NLRP13: variants seen among roughly 807,000 people sequenced by gnomAD.
NLRP13 encodes NACHT, LRR and PYD domains-containing protein 13.
NLRP13 carries 82 observed loss-of-function variants against 94.4 expected under a neutral mutation model. The ratio of observed to expected loss-of-function variants is 0.87; its 90% CI spans 0.73 to 1.04. The LOEUF (loss-of-function observed/expected upper bound fraction) is 1.04, where lower values mean the gene tolerates loss of function less well. Among genes scored for constraint, NLRP13 ranks in the 50% least tolerant of loss-of-function variants. NLRP13 has a pLI of 0.00. For missense variants in NLRP13, 1,426 were observed against 1,230.8 expected, an observed-to-expected ratio of 1.16 and a Z score of -2.37; for synonymous variants, 553 against 464.7, an observed-to-expected ratio of 1.19 and a Z score of -2.45.
At chr19:55,920,523 A>G (rs1399801115) in intron 4 of NLRP13, among the ~76,000 whole-genome samples, 1 of 151,492 alleles carries the variant, frequency 6.6e-6, no homozygotes, top group Non-Finnish European at 1.5e-5. Flanking sequence ...AAGAAGACAT[A>G]GAAGTAGTCA....
rs922673614 is a variant in NLRP13, at chr19:55,931,940, T to C, written c.319+53A>G. The C allele has an allele frequency of 3.9e-6, 6 of 1,554,544 alleles. No individual in the cohort carries two copies. In the East Asian group the frequency reaches 1.1e-4, roughly 29 times the overall value. On this transcript the variant is annotated intron_variant, in intron 1 of 10. Coordinates refer to ENST00000342929, the MANE Select transcript of NLRP13 (RefSeq NM_176810.2). ...CCACAAAAACCCAGCGGCTACCTCC[T>C]TGCCTCAGGAGTACCAAGCAGCCCT...
intron 9 of NLRP13, among the ~76,000 whole-genome samples, chr19:55,899,687 G>A (rs1377865452): frequency 6.6e-6 from 1 of 152,188 alleles, no homozygotes; most frequent in Non-Finnish European, 1.5e-5. Context: ...GGCTGAGGCA[G>A]GAGAATAGCT....
At chr19:55,922,137 A>G (rs1034210850) in intron 4 of NLRP13, among the ~76,000 whole-genome samples, 4 of 151,954 alleles carry the variant, frequency 2.6e-5, no homozygotes, top group Admixed American at 2.0e-4. Flanking sequence ...CAGGAGACTT[A>G]CTCACTGTCA....
In NLRP13 at chr19:55,925,742, T is replaced by G. The variant is rs1261187382; in HGVS notation, c.320-707A>C. Among the ~76,000 whole-genome samples the G allele has an allele frequency of 3.3e-5, 5 of 152,184 alleles. 1 individual carries two copies. Among genetic ancestry groups the G allele is most frequent in the Admixed American group, 1.3e-4 (2 of 15,272 alleles). ...ACATAGCTGCTACAGGACAATACCT[T>G]GTAAGGGATTTGCATCTAGAGATAT... On this transcript the variant is annotated intron_variant, in intron 1 of 10. Transcript: ENST00000342929.
downstream of NLRP13, among the ~76,000 whole-genome samples, chr19:55,893,511 C>T (rs1293946430): frequency 1.3e-5 from 2 of 152,012 alleles, no homozygotes; most frequent in Non-Finnish European, 2.9e-5. Context: ...TTTTGTTTAC[C>T]CTTCGACTGG....
At chr19:55,903,064 A>G (rs903215191) in intron 8 of NLRP13, among the ~76,000 whole-genome samples, 3 of 151,720 alleles carry the variant, frequency 2.0e-5, no homozygotes, top group Non-Finnish European at 4.4e-5. Flanking sequence ...GTGTAGAATT[A>G]TAACAGTTAT....
rs374591965 is a variant in NLRP13, at chr19:55,931,709, CAAA to C, written c.319+281_319+283del. Among the ~76,000 whole-genome samples the C allele has an allele frequency of 9.3e-5, 8 of 85,894 alleles. No individual in the cohort carries two copies. In the East Asian group the frequency reaches 1.6e-3, roughly 17 times the overall value. The allele number at this position is 85,894 out of a possible 152,430, so 56.3% of individuals were successfully genotyped here. ...GGGCGACAGAGTGGAGACTCAGGCT[CAAA>C]AAAAAAAAAAAAAGAAAGAAAGAAA... On this transcript the variant is annotated intron_variant, in intron 1 of 10. Transcript: ENST00000342929.
downstream of NLRP13, chr19:55,891,813 G>A: frequency 2.8e-6 from 1 of 351,260 alleles, no homozygotes; most frequent in East Asian, 4.2e-5. Context: ...ACCAGACACA[G>A]TATTACACTA....
Position 55,898,772 on chromosome 19 carries a change from A to C in NLRP13, c.2955T>G (p.Leu985=), listed in dbSNP as rs1986084729. Residue 985 remains leucine, a splice_region_variant and synonymous_variant, in exon 10 of 11, where the codon CTT becomes CTG. Transcript: ENST00000342929. ...ALKPHRALHT[L]GLAKCNLTTA... ...CAAGGAGAACAGCATCAACTCACCC[A>C]AGTGTGTGCAATGCACGATGTGGTT... 6.2e-7 allele frequency: 1 copy of C among 1,603,634 alleles called. No individual in the cohort carries two copies. The highest frequency in any genetic ancestry group is 1.3e-5 in the African/African-American group (1 of 74,600).
Position 55,912,481 on chromosome 19 carries a change from G to A in NLRP13, c.1336C>T (p.Gln446Ter). The change falls in exon 5 of 11, where the codon CAG (glutamine) becomes TAG (stop). Residue 446 changes from glutamine to a stop codon, truncating the protein, a stop_gained. Coordinates refer to ENST00000342929, the MANE Select transcript of NLRP13 (RefSeq NM_176810.2). LOFTEE classifies it high-confidence loss of function. ...KQPKVRYYDLQSITQTTTSLY... is the reference protein window; with the variant it reads ...KQPKVRYYDL ...CTGGTGGTAGTCTGAGTGATTGACTGGAGATCGTAATACCTCACCTTCGGC... is the reference window on the plus strand; with the variant it reads ...CTGGTGGTAGTCTGAGTGATTGACTAGAGATCGTAATACCTCACCTTCGGC... 6.8e-6 allele frequency: 11 copies of A among 1,614,086 alleles called. No homozygotes were observed. The highest frequency in any genetic ancestry group is 9.3e-6 in the Non-Finnish European group (11 of 1,179,970).
intron 10 of NLRP13, among the ~76,000 whole-genome samples, chr19:55,898,046 G>T (rs1354564012): frequency 6.6e-6 from 1 of 152,136 alleles, no homozygotes; most frequent in African/African-American, 2.4e-5. Flanking sequence ...TGGGGAGCAG[G>T]CTGCGCTCCC....
chr19:55,902,514 C>T (rs7246877), intron 8 of NLRP13, among the ~76,000 whole-genome samples: 3,430 of 152,132 alleles, frequency 0.023, 130 homozygotes, highest in African/African-American at 0.077. Context: ...GGCGTGGGTC[C>T]AAATGGGCTT....
Position 55,932,317 on chromosome 19 carries a change from C to T in NLRP13, c.-6G>A. On this transcript the variant is annotated 5_prime_UTR_variant, in exon 1 of 11. An upstream open reading frame in the 5' UTR gains an earlier in-frame stop. Transcript: ENST00000342929. ...GTGATTACAGAAAAGTTCATCTTGC[C>T]CAACACATGCAGTTTCTCACTTCAG... is the stretch of plus-strand genomic sequence containing the variant. 6.3e-7 allele frequency: 1 copy of T among 1,598,416 alleles called. No individual in the cohort carries two copies. The highest frequency in any genetic ancestry group is 1.4e-5 in the African/African-American group (1 of 73,784).
intron 4 of NLRP13, 48 bp from the exon 5 acceptor site, chr19:55,913,341 G>C: frequency 6.4e-7 from 1 of 1,554,166 alleles, no homozygotes. Context: ...AAATTTCAGA[G>C]TTAGGAATGA....
intron 10 of NLRP13, among the ~76,000 whole-genome samples, chr19:55,897,172 ATACAT>A (rs763269966): frequency 1.2e-4 from 19 of 152,182 alleles, no homozygotes; most frequent in Non-Finnish European, 2.1e-4. Context: ...AAGTGAGAAA[ATACAT>A]TAGATCAGTT....
At position 55,928,983 on chromosome 19, in the gene NLRP13, A is replaced by G. The variant is rs1283372513; in HGVS notation, c.319+3010T>C. On this transcript the variant is annotated intron_variant, in intron 1 of 10. Transcript: ENST00000342929. ...AAGTGGGCGAAGTATATGAACAGAC[A>G]CTTCTCAAAAGAAGACATTTATGCA... Among the ~76,000 whole-genome samples, 7 of 152,192 alleles carry G rather than the reference A, an allele frequency of 4.6e-5. No individual in the cohort carries two copies. In the South Asian group the frequency reaches 1.4e-3, roughly 31 times the overall value.
chr19:55,904,195 C>T (rs548074210), intron 8 of NLRP13, among the ~76,000 whole-genome samples: 10 of 152,274 alleles, frequency 6.6e-5, no homozygotes, highest in Non-Finnish European at 8.8e-5. Context: ...TGGGTTCTAG[C>T]GATTCTCCTG....
chr19:55,919,713 A>G (rs140255230), intron 4 of NLRP13, among the ~76,000 whole-genome samples: 1 of 152,130 alleles, frequency 6.6e-6, no homozygotes, highest in East Asian at 1.9e-4. Context: ...GGATGACACA[A>G]GTAATGCTCG....
chr19:55,905,256 A>T, intron 7 of NLRP13, 144 bp from the exon 8 acceptor site: 2 of 932,050 alleles, frequency 2.1e-6, no homozygotes, highest in Non-Finnish European at 3.1e-6. Flanking sequence ...AGAAGGAGAA[A>T]AAGGGCCAGG....
Sources: gnomAD v4.1 joint callset for allele counts (sites outside exome capture counted in the v4.1 genomes callset) on GRCh38, gnomAD v4.1.1 for gene constraint, MANE v1.5 for transcripts, NCBI Gene and HGNC (gene_info 2026-07-23, HGNC 2026-07-21) for gene names.